FAT3: variants seen among roughly 807,000 people sequenced by gnomAD.
The protein encoded by FAT3 is FAT atypical cadherin 3.
In FAT3, 95 loss-of-function variants were observed where a neutral mutation model predicts 310.2. The ratio of observed to expected loss-of-function variants is 0.31; its 90% CI spans 0.26 to 0.36. The LOEUF is 0.36. Ranked by LOEUF, FAT3 falls within the 10% of genes least tolerant of loss-of-function variation. FAT3 has a pLI of 1.00. For missense variants in FAT3, 5,408 were observed against 5,715.6 expected (o/e 0.95, Z 1.74); for synonymous variants, 2,314 against 2,192.9 (o/e 1.06, Z -1.54).
chr11:92,546,469 ATTAATACATGAT>A lies in FAT3; in HGVS notation c.3607+21522_3607+21533del, dbSNP rs1565400511. Among the ~76,000 whole-genome samples the A allele has an allele frequency of 4.6e-5, 7 of 152,332 alleles. 1 individual carries two copies. The South Asian group carries it at 1.4e-3, about 32-fold the overall frequency. On this transcript the variant is annotated intron_variant, in intron 3 of 27. Transcript: ENST00000525166. ...TAACATGTAGAACAGTACCCAGAAG[ATTAATACATGAT>A]GAGGAGAAAGAAGTAAGAAGGGAGG...
At chr11:92,484,188 A>G (rs1276479451) in intron 2 of FAT3, among the ~76,000 whole-genome samples, 2 of 152,214 alleles carry the variant, frequency 1.3e-5, no homozygotes, top group African/African-American at 4.8e-5. Flanking sequence ...TATGCTATCT[A>G]TGTAAATTAT....
At chr11:92,812,407 C>T (rs1204433617) in intron 13 of FAT3, among the ~76,000 whole-genome samples, 1 of 151,818 alleles carries the variant, frequency 6.6e-6, no homozygotes, top group East Asian at 1.9e-4. Flanking sequence ...ATGGTGAAAC[C>T]CCATCTCTAC....
At chr11:92,274,316 C>G (rs1946205999) in intron 1 of FAT3, among the ~76,000 whole-genome samples, 1 of 151,910 alleles carries the variant, frequency 6.6e-6, no homozygotes, top group Admixed American at 6.6e-5. Flanking sequence ...ATATTGTAAA[C>G]CTTCTTGATT....
chr11:92,485,869 A>G (rs1472968941), intron 2 of FAT3, among the ~76,000 whole-genome samples: 1 of 152,058 alleles, frequency 6.6e-6, no homozygotes, highest in African/African-American at 2.4e-5. Flanking sequence ...CAACTGGGTA[A>G]TTTGCAACCT....
chr11:92,388,090 CACTG>C (rs764447114), intron 2 of FAT3, among the ~76,000 whole-genome samples: 25 of 152,138 alleles, frequency 1.6e-4, no homozygotes, highest in Non-Finnish European at 3.4e-4. Flanking sequence ...AGTAGATTAG[CACTG>C]ACTATCATTT....
chr11:92,626,029 A>T (rs1418877456), intron 3 of FAT3, among the ~76,000 whole-genome samples: 1 of 152,184 alleles, frequency 6.6e-6, no homozygotes, highest in African/African-American at 2.4e-5. Context: ...AGTAGCCAGA[A>T]CTTTGAAGTG....
intron 2 of FAT3, among the ~76,000 whole-genome samples, chr11:92,457,902 A>G (rs1424853360): frequency 6.6e-6 from 1 of 152,332 alleles, no homozygotes; most frequent in African/African-American, 2.4e-5. Context: ...AGCCTGGGCT[A>G]CAAAGCGAGA....
In FAT3 at chr11:92,649,874, CATATATATATATATATATAT is replaced by C. The variant is rs10528724; in HGVS notation, c.3608-47487_3608-47468del. ...TTGTTAAACACCCACTTTGTATGTT[CATATATATATATATATATAT>C]ATATATATATATATATATATATGCA... On this transcript the variant is annotated intron_variant, in intron 3 of 27. Coordinates refer to ENST00000525166, the MANE Select transcript of FAT3 (RefSeq NM_001367949.2). Among the ~76,000 whole-genome samples the C allele has an allele frequency of 6.6e-4, 33 of 49,660 alleles. No individual in the cohort carries two copies. The East Asian group carries it at 0.013, about 20-fold the overall frequency. 32.6% of individuals were successfully genotyped at this position (49,660 alleles called of 152,430 possible).
At position 92,586,040 on chromosome 11, in the gene FAT3, G is replaced by A. The variant is rs567438949; in HGVS notation, c.3607+61092G>A. On this transcript the variant is annotated intron_variant, in intron 3 of 27. Coordinates refer to ENST00000525166, the MANE Select transcript of FAT3 (RefSeq NM_001367949.2). ...GGAGCAAGGACTGGTCATGTCAGGA[G>A]ATGACTGATGATATACTGAATAGTG... Among the ~76,000 whole-genome samples the A allele has an allele frequency of 2.0e-5, 3 of 152,102 alleles. No homozygotes were observed. In the East Asian group the frequency reaches 5.8e-4, roughly 30 times the overall value.
At chr11:92,423,891 T>C (rs1488092419) in intron 2 of FAT3, among the ~76,000 whole-genome samples, 2 of 152,190 alleles carry the variant, frequency 1.3e-5, no homozygotes, top group Non-Finnish European at 2.9e-5. Context: ...TGCTTTACCC[T>C]TAGTCTACTG....
chr11:92,681,577 G>T (rs1943481676), intron 3 of FAT3, among the ~76,000 whole-genome samples: 1 of 152,194 alleles, frequency 6.6e-6, no homozygotes, highest in South Asian at 2.1e-4. Context: ...GCTTTCAGAA[G>T]AAAGAGGTTA....
rs1320600639 is a variant in FAT3, at chr11:92,322,824, A to G, written c.-17-29272A>G. 7.2e-5 allele frequency among the ~76,000 whole-genome samples: 11 copies of G among 152,124 alleles called. No homozygotes were observed. In the East Asian group the frequency reaches 2.1e-3, roughly 29 times the overall value. On this transcript the variant is annotated intron_variant, in intron 1 of 27. Coordinates refer to ENST00000525166, the MANE Select transcript of FAT3 (RefSeq NM_001367949.2). ...CTAGTTCTCTCGCTGTTCCCACCAC[A>G]TCTGCCGTGACTTCCTCCTCTGAAG...
chr11:92,396,976 G>A (rs1031156293), intron 2 of FAT3, among the ~76,000 whole-genome samples: 2 of 152,096 alleles, frequency 1.3e-5, no homozygotes, highest in Non-Finnish European at 2.9e-5. Context: ...CAAAATGCTG[G>A]GACTGCAGGC....
chr11:92,383,320 A>G (rs2134772967), intron 2 of FAT3, among the ~76,000 whole-genome samples: 1 of 152,322 alleles, frequency 6.6e-6, no homozygotes, highest in Admixed American at 6.5e-5. Context: ...TATCTTTATA[A>G]TAGAATGAAT....
chr11:92,367,408 C>T (rs1041085720), intron 2 of FAT3, among the ~76,000 whole-genome samples: 6 of 151,982 alleles, frequency 3.9e-5, no homozygotes, highest in Non-Finnish European at 7.4e-5. Context: ...TCGACCTGGG[C>T]AATATAGTGA....
intron 2 of FAT3, among the ~76,000 whole-genome samples, chr11:92,457,535 C>T (rs1273208574): frequency 1.3e-5 from 2 of 152,076 alleles, no homozygotes; most frequent in African/African-American, 4.8e-5. Flanking sequence ...AGTCGATATC[C>T]TGGCTTAAAA....
At chr11:92,381,817 G>A (rs905638905) in intron 2 of FAT3, among the ~76,000 whole-genome samples, 5 of 151,726 alleles carry the variant, frequency 3.3e-5, no homozygotes, top group Non-Finnish European at 7.4e-5. Context: ...TTTCTTAAAG[G>A]GAAATATTTT....
chr11:92,397,234 TG>T (rs1949890178), intron 2 of FAT3, among the ~76,000 whole-genome samples: 1 of 152,100 alleles, frequency 6.6e-6, no homozygotes, highest in Admixed American at 6.6e-5. Flanking sequence ...CTGCGATTTT[TG>T]GGGGGAGTTG....
At chr11:92,888,640 C>G (rs1048101284) in intron 25 of FAT3, among the ~76,000 whole-genome samples, 4 of 152,188 alleles carry the variant, frequency 2.6e-5, no homozygotes, top group Admixed American at 6.5e-5. Flanking sequence ...AGGCCAAATG[C>G]TGACTTCTGT....
Sources: allele counts gnomAD v4.1 joint callset (sites outside exome capture counted in the v4.1 genomes callset), GRCh38; gene constraint gnomAD v4.1.1; transcripts MANE v1.5; gene names NCBI Gene and HGNC (gene_info 2026-07-23, HGNC 2026-07-21).